Variants in UST observed in about 807,000 individuals in gnomAD.
The protein encoded by UST is uronyl 2-sulfotransferase.
Under a neutral mutation model 45.6 loss-of-function variants are expected in UST, and 21 were observed. The observed-to-expected ratio is 0.46, with a 90% confidence interval of 0.33 to 0.66. The LOEUF is 0.66. Among genes scored for constraint, UST ranks in the 30% least tolerant of loss-of-function variants. The pLI, the probability that UST is intolerant of heterozygous loss-of-function variation, is 0.02. For synonymous variants in UST, 215 were observed against 200.6 expected (o/e 1.07, Z -0.61); for missense variants, 463 against 512.4 (o/e 0.90, Z 0.93).
intron 5 of UST, among the ~76,000 whole-genome samples, chr6:149,016,865 C>A (rs2340751): frequency 2.6e-5 from 4 of 152,122 alleles, no homozygotes; most frequent in African/African-American, 2.4e-5. Flanking sequence ...TCCTGGCCCC[C>A]TCCCTGTTGC....
At chr6:148,874,494 C>A (rs114706046) in intron 1 of UST, among the ~76,000 whole-genome samples, 1,717 of 152,220 alleles carry the variant, frequency 0.011, 31 homozygotes, top group African/African-American at 0.038. Flanking sequence ...TATTATTTTT[C>A]AGTGTCTGGA....
intron 1 of UST, among the ~76,000 whole-genome samples, chr6:148,798,809 G>A (rs549829400): frequency 3.9e-5 from 6 of 152,146 alleles, no homozygotes; most frequent in Non-Finnish European, 7.4e-5. Context: ...GGAAATGAAT[G>A]AGGCTTGGAG....
At chr6:148,849,753 C>T (rs1383908077) in intron 1 of UST, among the ~76,000 whole-genome samples, 1 of 152,068 alleles carries the variant, frequency 6.6e-6, no homozygotes, top group Non-Finnish European at 1.5e-5. Flanking sequence ...GAAACTGCCC[C>T]CATGATTCAA....
intron 7 of UST, among the ~76,000 whole-genome samples, chr6:149,026,437 T>C (rs1047464814): frequency 6.6e-6 from 1 of 152,228 alleles, no homozygotes; most frequent in Non-Finnish European, 1.5e-5. Flanking sequence ...TTCTGAGCAG[T>C]GAATATTAAT....
At chr6:148,967,903 A>G (rs1426741123) in intron 5 of UST, among the ~76,000 whole-genome samples, 1 of 152,206 alleles carries the variant, frequency 6.6e-6, no homozygotes, top group Non-Finnish European at 1.5e-5. Context: ...TGCTCTGAGG[A>G]TGAAATAATA....
chr6:149,010,913 A>AAAAAAAAAAAAAAC lies in UST; in HGVS notation c.682-8220_682-8219insAAAAAAACAAAAAA, dbSNP rs755674810. ...TCTCAACCAAAAAAAAAAAAAAAAA[A>AAAAAAAAAAAAAAC]AAAAAACTGTGACTATTTATTTGTC... On this transcript the variant is annotated intron_variant, in intron 5 of 7. Coordinates refer to ENST00000367463, the MANE Select transcript of UST (RefSeq NM_005715.3). 9.2e-4 allele frequency among the ~76,000 whole-genome samples: 86 copies of AAAAAAAAAAAAAAC among 92,980 alleles called. 13 individuals carry two copies. Among genetic ancestry groups the AAAAAAAAAAAAAAC allele is most frequent in the African/African-American group, 2.9e-3 (67 of 22,932 alleles). The allele number at this position is 92,980 out of a possible 152,430, so 61.0% of individuals were successfully genotyped here.
intron 1 of UST, among the ~76,000 whole-genome samples, chr6:148,879,487 C>G (rs1363545330): frequency 1.3e-5 from 2 of 152,198 alleles, no homozygotes; most frequent in Admixed American, 1.3e-4. Context: ...ATGTGAGGAA[C>G]TTTAAAAATA....
At chr6:149,042,955 T>TTTTATTTC (rs1554237056) in intron 7 of UST, among the ~76,000 whole-genome samples, 1 of 109,076 alleles carries the variant, frequency 9.2e-6, no homozygotes, top group Non-Finnish European at 2.0e-5. Context: ...ATCACCATCC[T>TTTTATTTC]TTTCTTTCTT....
chr6:149,070,598 G>C (rs1478970784), intron 7 of UST, among the ~76,000 whole-genome samples: 1 of 152,020 alleles, frequency 6.6e-6, no homozygotes. Flanking sequence ...TGGCCACATA[G>C]AGAATTTATT....
rs144131862 is a variant in UST, at chr6:148,799,409, C to G, written c.247+51732C>G. Among the ~76,000 whole-genome samples the G allele has an allele frequency of 5.6e-3, 857 of 152,184 alleles. 7 individuals are homozygous for G. Among genetic ancestry groups the G allele is most frequent in the African/African-American group, 0.02 (821 of 41,510 alleles). ...CCTTTGTGTCTGTCAATCATTGTAG[C>G]AAGGTTTTTGGCCCAAAGTGGTCAG... On this transcript the variant is annotated intron_variant, in intron 1 of 7. Coordinates refer to ENST00000367463, the MANE Select transcript of UST (RefSeq NM_005715.3).
chr6:148,951,179 G>A (rs897409598), intron 3 of UST, among the ~76,000 whole-genome samples: 5 of 152,162 alleles, frequency 3.3e-5, no homozygotes, highest in Non-Finnish European at 5.9e-5. Flanking sequence ...TAGCACAGGT[G>A]GAATTCACAT....
intron 5 of UST, among the ~76,000 whole-genome samples, chr6:148,990,193 T>C (rs544843383): frequency 6.6e-6 from 1 of 152,350 alleles, no homozygotes; most frequent in South Asian, 2.1e-4. Context: ...TTTATATTCT[T>C]TATATCTTTC....
intron 1 of UST, among the ~76,000 whole-genome samples, chr6:148,851,813 G>A (rs139702145): frequency 1.3e-5 from 2 of 152,344 alleles, no homozygotes; most frequent in East Asian, 1.9e-4. Flanking sequence ...CACTAAAGCC[G>A]AGGGGAGCCC....
intron 5 of UST, among the ~76,000 whole-genome samples, chr6:148,965,947 G>A (rs1582931004): frequency 6.7e-6 from 1 of 149,860 alleles, no homozygotes; most frequent in African/African-American, 2.5e-5. Flanking sequence ...TATGAGGCCG[G>A]GCGCAGTGGC....
intron 1 of UST, among the ~76,000 whole-genome samples, chr6:148,856,310 C>T (rs1778204197): frequency 6.6e-6 from 1 of 152,052 alleles, no homozygotes; most frequent in African/African-American, 2.4e-5. Context: ...GCCACTGTGG[C>T]CAGCCGAAAA....
At chr6:148,806,173 T>G (rs1416259858) in intron 1 of UST, among the ~76,000 whole-genome samples, 2 of 152,094 alleles carry the variant, frequency 1.3e-5, no homozygotes, top group Non-Finnish European at 2.9e-5. Context: ...ACCATGTCTA[T>G]TCAAAGTGAA....
intron 1 of UST, among the ~76,000 whole-genome samples, chr6:148,858,605 G>A (rs941207169): frequency 7.9e-5 from 12 of 151,642 alleles, no homozygotes; most frequent in African/African-American, 1.2e-4. Flanking sequence ...CCATTAACTC[G>A]TCATTTACAT....
intron 7 of UST, among the ~76,000 whole-genome samples, chr6:149,029,475 A>C (rs960828198): frequency 1.4e-5 from 2 of 145,278 alleles, no homozygotes; most frequent in African/African-American, 5.0e-5. Flanking sequence ...TTATATATAT[A>C]ATGTATATAT....
In UST at chr6:149,029,382, T is replaced by C. The variant is rs147062157; in HGVS notation, c.937+7901T>C. 2.6e-3 allele frequency among the ~76,000 whole-genome samples: 381 copies of C among 146,582 alleles called. 1 individual carries two copies. The highest frequency in any genetic ancestry group is 4.4e-3 in the Non-Finnish European group (297 of 66,978). On this transcript the variant is annotated intron_variant, in intron 7 of 7. Coordinates refer to ENST00000367463, the MANE Select transcript of UST (RefSeq NM_005715.3). ...AATTATATGTAATATATAATGTATA[T>C]ATTGTATGTTATATATTATATATAA...
Sources: gnomAD v4.1 joint callset for allele counts (sites outside exome capture counted in the v4.1 genomes callset) on GRCh38, gnomAD v4.1.1 for gene constraint, MANE v1.5 for transcripts, NCBI Gene and HGNC (gene_info 2026-07-23, HGNC 2026-07-21) for gene names.